ZNF843: variants seen among roughly 807,000 people sequenced by gnomAD.
ZNF843 encodes the protein zinc finger protein 843.
For missense variants in ZNF843, 482 were observed against 469.4 expected, an observed-to-expected ratio of 1.03 and a Z score of -0.25; for synonymous variants, 185 against 207.7, an observed-to-expected ratio of 0.89 and a Z score of 0.94.
In ZNF843 at chr16:31,436,581, G is replaced by A. The variant is rs868622156; in HGVS notation, c.269C>T (p.Ser90Leu). Residue 90 changes from serine to leucine, a missense_variant, in exon 2 of 2, where the codon TCG (serine) becomes TTG (leucine). Physicochemically the swap from Ser to Leu is moderately radical, Grantham distance 145. Transcript: ENST00000315678. ...AAACCCTTGCCGCACTCCCGCAGAC[G>A]AATGGCTTCTCCCGAGTGGACTCGC... ...APASPLGRSH[S>L]SAGVRQGFSG... 1.9e-6 allele frequency: 3 copies of A among 1,551,056 alleles called. No homozygotes were observed. Among genetic ancestry groups the A allele is most frequent in the East Asian group, 2.4e-5 (1 of 40,886 alleles).
chr16:31,437,589 A>T (rs1196099094), intron 1 of ZNF843, among the ~76,000 whole-genome samples: 1 of 145,526 alleles, frequency 6.9e-6, no homozygotes, highest in Non-Finnish European at 1.5e-5. Flanking sequence ...TGCAAGCATG[A>T]GCTACCATGC....
At chr16:31,440,065 GT>G (rs1352914617) in intron 1 of ZNF843, among the ~76,000 whole-genome samples, 1 of 152,154 alleles carries the variant, frequency 6.6e-6, no homozygotes, top group African/African-American at 2.4e-5. Flanking sequence ...TATTCTAAGA[GT>G]TTCCACATAT....
In ZNF843 at chr16:31,436,405, TGCA is replaced by T. The variant is rs1325716778; in HGVS notation, c.442_444del (p.Cys148del). The T allele has an allele frequency of 6.4e-7, 1 of 1,550,840 alleles. No homozygotes were observed. Among genetic ancestry groups the T allele is most frequent in the Non-Finnish European group, 8.7e-7 (1 of 1,146,518 alleles). On this transcript the variant is annotated inframe_deletion, in exon 2 of 2. Coordinates refer to ENST00000315678, the MANE Select transcript of ZNF843 (RefSeq NM_001136509.3). ...TTCTCATTGACACTGTCACCGCAGC[TGCA>T]GCAGCAGAAGGGACACACTCTCCTG...
In ZNF843 at chr16:31,437,104, C is replaced by T. The variant is rs1050533909; in HGVS notation, c.-255G>A. 2.1e-6 allele frequency: 1 copy of T among 468,242 alleles called. No individual in the cohort carries two copies. Among genetic ancestry groups the T allele is most frequent in the South Asian group, 3.8e-5 (1 of 26,564 alleles). 29.0% of individuals were successfully genotyped at this position (468,242 alleles called of 1,614,324 possible). A position where few individuals can be genotyped will look rare whatever the true frequency, so the allele number is the denominator to read the frequency against. On this transcript the variant is annotated 5_prime_UTR_variant, in exon 2 of 2. Coordinates refer to ENST00000315678, the MANE Select transcript of ZNF843 (RefSeq NM_001136509.3). ...GGGTGTTCCCCATCACTAAGTCCAT[C>T]CTCTTGGATACGCTGGTCCTCACTG...
At chr16:31,437,839 G>A (rs1183901581) in intron 1 of ZNF843, among the ~76,000 whole-genome samples, 1 of 151,620 alleles carries the variant, frequency 6.6e-6, no homozygotes, top group African/African-American at 2.4e-5. Flanking sequence ...TGTTGGTCAG[G>A]CTGGTCTCAA....
rs1327641787 is a variant in ZNF843, at chr16:31,442,781, C to CGAGGACCCGGCAGCCGCGGG, written c.-482_-481insCCCGCGGCTGCCGGGTCCTC. 15 of 152,154 alleles carry CGAGGACCCGGCAGCCGCGGG rather than the reference C, an allele frequency of 9.9e-5. No individual in the cohort carries two copies. The highest frequency in any genetic ancestry group is 2.0e-4 in the Admixed American group (3 of 15,276). 9.4% of individuals were successfully genotyped at this position (152,154 alleles called of 1,614,324 possible). Reference sequence around the variant, plus strand: ...GCGTAGCTCCGGGAAGGGGACGTGGCGAGGACCCGGCAGCCGCGGGGCCTG... The same window carrying CGAGGACCCGGCAGCCGCGGG: ...GCGTAGCTCCGGGAAGGGGACGTGGCGAGGACCCGGCAGCCGCGGGGAGGACCCGGCAGCCGCGGGGCCTG... On this transcript the variant is annotated 5_prime_UTR_variant, in exon 1 of 2. Coordinates refer to ENST00000315678, the MANE Select transcript of ZNF843 (RefSeq NM_001136509.3).
Position 31,435,937 on chromosome 16 carries a change from C to T in ZNF843, c.913G>A (p.Gly305Ser), listed in dbSNP as rs113002078. Residue 305 changes from glycine (G) to serine (S), a missense_variant, in exon 2 of 2, where the codon GGC becomes AGC. Transcript: ENST00000315678. ...CGCTGAAGCCTGGCCCTGGCCTCGC[C>T]GAGCGGTCCGGCCGCTCTGTGCTGC... is the stretch of plus-strand genomic sequence containing the variant. Reference protein sequence around the residue: ...ASQHRAAGPLGEARARLQRQC... With the variant: ...ASQHRAAGPLSEARARLQRQC... The T allele has an allele frequency of 1.9e-6, 3 of 1,542,834 alleles. No individual in the cohort carries two copies. The highest frequency in any genetic ancestry group is 1.4e-5 in the African/African-American group (1 of 72,978).
At position 31,436,480 on chromosome 16, in the gene ZNF843, C is replaced by T; in HGVS notation, c.370G>A (p.Gly124Ser). Residue 124 changes from glycine to serine, a missense_variant, in exon 2 of 2, where the codon GGT becomes AGT. Transcript: ENST00000315678. The part of the protein sequence containing the change: ...EALRLSPVPA[G>S]FWGPVEADRP... ...TCAGCTTCCACCGGTCCCCAAAAAC[C>T]TGCTGGTACTGGGGACAGACGCAGG... 2 of 1,551,702 alleles carry T rather than the reference C, an allele frequency of 1.3e-6. No homozygotes were observed. Among genetic ancestry groups the T allele is most frequent in the Non-Finnish European group, 1.7e-6 (2 of 1,146,974 alleles).
chr16:31,437,297 C>CTTTTTTTTTTTTTTTTTTTT (rs59710664), intron 1 of ZNF843, 113 bp from the exon 2 acceptor site: 30 of 81,996 alleles, frequency 3.7e-4, no homozygotes, highest in African/African-American at 1.4e-3. Context: ...TTCTTTCCTT[C>CTTTTTTTTTTTTTTTTTTTT]TTTTTTTTTT....
chr16:31,436,746 C>A lies in ZNF843; in HGVS notation c.104G>T (p.Cys35Phe), dbSNP rs552579565. The part of the protein sequence containing the change: ...RFTQGRQPCK[C>F]KACGRGFTQS... The stretch of plus-strand genomic sequence containing the variant: ...AGTAAAACCCCTCCCGCAGGCCTTG[C>A]ACTTGCAGGGCTGACGGCCCTGGGT... Residue 35 changes from cysteine (C) to phenylalanine (F), a missense_variant, in exon 2 of 2, where the codon TGC becomes TTC. Cys to Phe is a radical substitution (Grantham distance 205). Coordinates refer to ENST00000315678, the MANE Select transcript of ZNF843 (RefSeq NM_001136509.3). 1 of 1,551,772 alleles carries A rather than the reference C, an allele frequency of 6.4e-7. No individual in the cohort carries two copies. The highest frequency in any genetic ancestry group is 1.4e-5 in the African/African-American group (1 of 73,192).
In ZNF843 at chr16:31,440,955, G is replaced by A. The variant is rs141428871; in HGVS notation, c.-336+1681C>T. Among the ~76,000 whole-genome samples the A allele has an allele frequency of 2.5e-4, 38 of 152,300 alleles. No individual in the cohort carries two copies. In the East Asian group the frequency reaches 7.3e-3, roughly 29 times the overall value. ...TACTATCACTCAACATTCTTCCTGT[G>A]ACTATAACTCCTCTCTTACATTCCC... On this transcript the variant is annotated intron_variant, in intron 1 of 1. Coordinates refer to ENST00000315678, the MANE Select transcript of ZNF843 (RefSeq NM_001136509.3).
chr16:31,437,619 GTTT>G (rs749584155), intron 1 of ZNF843, among the ~76,000 whole-genome samples: 6 of 109,908 alleles, frequency 5.5e-5, no homozygotes, highest in Non-Finnish European at 3.7e-5. Flanking sequence ...TATAATCAAT[GTTT>G]TTTTTTTTTT....
chr16:31,436,788 C>T lies in ZNF843; in HGVS notation c.62G>A (p.Cys21Tyr), dbSNP rs2082184022. Residue 21 changes from cysteine (C) to tyrosine (Y), a missense_variant, in exon 2 of 2, where the codon TGC becomes TAC. Coordinates refer to ENST00000315678, the MANE Select transcript of ZNF843 (RefSeq NM_001136509.3). ...GCCCTGGGTGAATCTGCCGGTGCTG[C>T]AGCAGGTAGGAGCTCTGGCTGAAAC... ...ESVSARAPTCCSTGRFTQGRQ... is the reference protein window; with the variant it reads ...ESVSARAPTCYSTGRFTQGRQ... The T allele has an allele frequency of 1.9e-6, 3 of 1,551,660 alleles. No homozygotes were observed. The highest frequency in any genetic ancestry group is 2.6e-6 in the Non-Finnish European group (3 of 1,147,034).
At chr16:31,441,059 T>G (rs1182702786) in intron 1 of ZNF843, among the ~76,000 whole-genome samples, 1 of 152,194 alleles carries the variant, frequency 6.6e-6, no homozygotes, top group Non-Finnish European at 1.5e-5. Flanking sequence ...GTGATTTGAT[T>G]CCCCTCTCTT....
intron 1 of ZNF843, among the ~76,000 whole-genome samples, chr16:31,440,408 C>G (rs1450818500): frequency 6.6e-6 from 1 of 152,208 alleles, no homozygotes. Context: ...GAAGCCATTC[C>G]AAGCAACAGA....
Position 31,435,817 on chromosome 16 carries a change from G to C in ZNF843, c.1033C>G (p.Leu345Val). ...VWKASSRRSN[L>V]ARH Reference sequence around the variant, plus strand: ...ACGCTGGTTCTTCAGTGTCGGGCCAGGTTGGACCTCCGGCTGGAGGCCTTC... The same window carrying C: ...ACGCTGGTTCTTCAGTGTCGGGCCACGTTGGACCTCCGGCTGGAGGCCTTC... Residue 345 changes from leucine to valine, a missense_variant, in exon 2 of 2, where the codon CTG (leucine) becomes GTG (valine). Physicochemically the swap from Leu to Val is conservative, Grantham distance 32. Transcript: ENST00000315678. 2.7e-6 allele frequency: 4 copies of C among 1,460,208 alleles called. No homozygotes were observed. Among genetic ancestry groups the C allele is most frequent in the Non-Finnish European group, 2.7e-6 (3 of 1,101,206 alleles). 90.5% of individuals were successfully genotyped at this position (1,460,208 alleles called of 1,614,324 possible).
At chr16:31,439,646 G>T (rs1407808238) in intron 1 of ZNF843, among the ~76,000 whole-genome samples, 5 of 152,164 alleles carry the variant, frequency 3.3e-5, no homozygotes, top group Admixed American at 3.3e-4. Flanking sequence ...CATACTATAT[G>T]ATTCAATTTC....
intron 1 of ZNF843, among the ~76,000 whole-genome samples, chr16:31,438,764 T>C (rs1188520171): frequency 6.6e-6 from 1 of 152,106 alleles, no homozygotes; most frequent in African/African-American, 2.4e-5. Flanking sequence ...CTTTTGTTGG[T>C]GGCACCAGTT....
chr16:31,441,313 TG>T (rs1431250316), intron 1 of ZNF843, among the ~76,000 whole-genome samples: 6 of 152,194 alleles, frequency 3.9e-5, no homozygotes, highest in Admixed American at 3.9e-4. Context: ...TAGGATTACC[TG>T]GGAGCTTTCA....
Sources: allele counts gnomAD v4.1 joint callset (sites outside exome capture counted in the v4.1 genomes callset), GRCh38; gene constraint gnomAD v4.1.1; transcripts MANE v1.5; gene names NCBI Gene and HGNC (gene_info 2026-07-23, HGNC 2026-07-21).